OAS2: variants seen among roughly 807,000 people sequenced by gnomAD.
The protein encoded by OAS2 is 2'-5'-oligoadenylate synthase 2.
A neutral mutation model predicts 71.3 loss-of-function variants in OAS2; 67 were observed. The observed-to-expected ratio is 0.94, with a 90% CI of 0.77 to 1.15. The LOEUF is 1.15. Among genes scored for constraint, OAS2 ranks in the 50% most tolerant of loss-of-function variants. The probability of loss-of-function intolerance (pLI) is 0.00; values close to 1 mark genes in which losing one functional copy is unlikely to be tolerated. For missense variants in OAS2, 789 were observed against 822.5 expected (o/e 0.96, Z 0.50); for synonymous variants, 327 against 321.8 (o/e 1.02, Z -0.17).
At chr12:112,988,284 A>G (rs1751842374) in intron 2 of OAS2, 1 of 941,436 alleles carries the variant, frequency 1.1e-6, no homozygotes, top group Admixed American at 6.2e-5. Flanking sequence ...TGAGCAGACA[A>G]TTCACAAATC....
chr12:112,986,521 G>A (rs575477236), intron 1 of OAS2, among the ~76,000 whole-genome samples: 1 of 152,290 alleles, frequency 6.6e-6, no homozygotes, highest in East Asian at 1.9e-4. Flanking sequence ...GGCAGGCAGA[G>A]TGGGCCCATC....
intron 2 of OAS2, chr12:112,988,906 C>G (rs1463102358): frequency 5.4e-6 from 1 of 184,940 alleles, no homozygotes; most frequent in South Asian, 1.8e-4. Flanking sequence ...CACCTGTAAA[C>G]CAAAAGTATC....
chr12:113,002,846 G>C, intron 5 of OAS2, 86 bp from the exon 6 acceptor site: 2 of 1,239,898 alleles, frequency 1.6e-6, no homozygotes, highest in Admixed American at 2.0e-5. Flanking sequence ...GAGAGGCAGG[G>C]TAGGGGGCCC....
At chr12:112,999,389 C>T (rs1287396666) in intron 5 of OAS2, among the ~76,000 whole-genome samples, 1 of 152,222 alleles carries the variant, frequency 6.6e-6, no homozygotes, top group Non-Finnish European at 1.5e-5. Flanking sequence ...GCACTGGAGA[C>T]AACTGTATTA....
At chr12:113,001,411 TATATACAC>T (rs1168184217) in intron 5 of OAS2, among the ~76,000 whole-genome samples, 1 of 149,634 alleles carries the variant, frequency 6.7e-6, no homozygotes, top group Non-Finnish European at 1.5e-5. Context: ...CATATATACA[TATATACAC>T]ATATATGCAC....
At chr12:112,988,313 G>C in intron 2 of OAS2, 1 of 780,404 alleles carries the variant, frequency 1.3e-6, no homozygotes, top group Non-Finnish European at 1.6e-6. Context: ...TCCTGAGCCA[G>C]AGTAGGTTCA....
chr12:112,996,968 C>T (rs540941311), intron 3 of OAS2, among the ~76,000 whole-genome samples: 2 of 152,278 alleles, frequency 1.3e-5, no homozygotes, highest in East Asian at 1.9e-4. Context: ...CTCAGTTTCC[C>T]CTCATCTGAG....
intron 1 of OAS2, among the ~76,000 whole-genome samples, chr12:112,984,092 G>A (rs1362809729): frequency 1.3e-5 from 2 of 152,140 alleles, no homozygotes; most frequent in East Asian, 3.9e-4. Flanking sequence ...TTCTGTCTAC[G>A]TGATCTGCCC....
chr12:112,993,965 G>T (rs1275402071), intron 2 of OAS2, among the ~76,000 whole-genome samples: 1 of 8,996 alleles, frequency 1.1e-4, no homozygotes, highest in African/African-American at 4.2e-3. Flanking sequence ...TTTTTTGTGG[G>T]GGGGGGAGGG....
Position 112,997,884 on chromosome 12 carries a change from TGG to T in OAS2, c.863+132_863+133del. 8.0e-6 allele frequency: 6 copies of T among 747,978 alleles called. 1 individual carries two copies. In the South Asian group the frequency reaches 1.2e-4, roughly 15 times the overall value. 46.3% of individuals were successfully genotyped at this position (747,978 alleles called of 1,614,324 possible). ...CCAGAAGAATGGCAGCCACCATGGG[TGG>T]GGAGGCAGATGGGTCTGTCTGAAAG... On this transcript the variant is annotated intron_variant, in intron 4 of 9. Transcript: ENST00000392583.
intron 3 of OAS2, 117 bp downstream of exon 3, chr12:112,995,591 T>C (rs771431102): frequency 1.0e-6 from 1 of 963,202 alleles, no homozygotes; most frequent in Non-Finnish European, 1.5e-6. Flanking sequence ...TTTACAATCT[T>C]ACCAGCAACA....
intron 7 of OAS2, 41 bp downstream of exon 7, chr12:113,005,263 A>C: frequency 6.3e-7 from 1 of 1,582,206 alleles, no homozygotes; most frequent in Non-Finnish European, 8.6e-7. Context: ...GATGGTGGAC[A>C]GAAGGTGGAG....
chr12:112,982,299 C>T (rs760591038), intron 1 of OAS2, among the ~76,000 whole-genome samples: 4 of 152,048 alleles, frequency 2.6e-5, no homozygotes, highest in Non-Finnish European at 5.9e-5. Flanking sequence ...ATGATGTTAA[C>T]TGTGGGTTTG....
At chr12:112,992,195 G>C (rs1256954945) in intron 2 of OAS2, among the ~76,000 whole-genome samples, 3 of 152,026 alleles carry the variant, frequency 2.0e-5, no homozygotes, top group African/African-American at 7.2e-5. Flanking sequence ...AGGAGTTTAA[G>C]ACCAGCCTGG....
intron 6 of OAS2, 79 bp from the exon 7 acceptor site, chr12:113,004,855 C>A: frequency 6.8e-7 from 1 of 1,467,040 alleles, no homozygotes; most frequent in Non-Finnish European, 9.3e-7. Context: ...GTCAGTTAGC[C>A]CAACTGGTGC....
At chr12:112,996,068 T>C (rs1464012191) in intron 3 of OAS2, among the ~76,000 whole-genome samples, 1 of 152,168 alleles carries the variant, frequency 6.6e-6, no homozygotes, top group Non-Finnish European at 1.5e-5. Flanking sequence ...TCCCAAAGTG[T>C]TGGGATTACA....
At chr12:112,982,720 AT>A (rs1483075921) in intron 1 of OAS2, among the ~76,000 whole-genome samples, 2 of 152,086 alleles carry the variant, frequency 1.3e-5, no homozygotes, top group African/African-American at 4.8e-5. Flanking sequence ...CTCCTCTTCA[AT>A]TTTTTTGGAA....
At chr12:113,006,285 G>T in intron 7 of OAS2, 128 bp from the exon 8 acceptor site, 1 of 738,790 alleles carries the variant, frequency 1.4e-6, no homozygotes, top group Non-Finnish European at 2.0e-6. Context: ...TTAGACATCA[G>T]TCTTTTAAAT....
intron 1 of OAS2, among the ~76,000 whole-genome samples, chr12:112,985,626 T>G (rs2044127970): frequency 6.6e-6 from 1 of 152,244 alleles, no homozygotes; most frequent in Non-Finnish European, 1.5e-5. Context: ...AATATCATGG[T>G]TTTGAATTTT....
Sources: allele counts gnomAD v4.1 joint callset (sites outside exome capture counted in the v4.1 genomes callset), GRCh38; gene constraint gnomAD v4.1.1; transcripts MANE v1.5; gene names NCBI Gene and HGNC (gene_info 2026-07-23, HGNC 2026-07-21).